The following NAALADL2 variants were observed in gnomAD, a reference collection of about 807,000 sequenced individuals.
NAALADL2 encodes N-acetylated alpha-linked acidic dipeptidase like 2.
A neutral mutation model predicts 87.2 loss-of-function variants in NAALADL2; 76 were observed. The observed-to-expected ratio is 0.87, with a 90% confidence interval of 0.72 to 1.05. The LOEUF is 1.05. NAALADL2 is among the 50% of genes least tolerant of loss of function. The probability of loss-of-function intolerance (pLI) is 0.00; values close to 1 mark genes in which losing one functional copy is unlikely to be tolerated. For synonymous variants in NAALADL2, 354 were observed against 331.0 expected (o/e 1.07, Z -0.75); for missense variants, 1,089 against 945.8 (o/e 1.15, Z -1.99).
chr3:175,806,190 G>C lies in NAALADL2; in HGVS notation c.*2987G>C, dbSNP rs1754686368. ...TTCAAGGCTAGTTCATTCTCTGACT[G>C]TACCTGACAAACAAAACTCTCCCCG... On this transcript the variant is annotated 3_prime_UTR_variant, in exon 14 of 14. Coordinates refer to ENST00000454872, the MANE Select transcript of NAALADL2 (RefSeq NM_207015.3). 1 of 151,814 alleles carries C rather than the reference G, an allele frequency of 6.6e-6. No individual in the cohort carries two copies. Among genetic ancestry groups the C allele is most frequent in the African/African-American group, 2.4e-5 (1 of 41,322 alleles). The allele number at this position is 151,814 out of a possible 1,614,324, so 9.4% of individuals were successfully genotyped here.
chr3:175,267,715 G>A (rs1487926005), intron 4 of NAALADL2, among the ~76,000 whole-genome samples: 2 of 152,034 alleles, frequency 1.3e-5, no homozygotes, highest in Admixed American at 1.3e-4. Flanking sequence ...GTGTACATTT[G>A]CATCACGTGT....
intron 3 of NAALADL2, among the ~76,000 whole-genome samples, chr3:175,253,416 A>G (rs1749399035): frequency 6.6e-6 from 1 of 152,184 alleles, no homozygotes; most frequent in Admixed American, 6.5e-5. Context: ...ACTGCTCTGA[A>G]AAAAAGATTC....
At chr3:175,667,181 G>GAA (rs1553945219) in intron 11 of NAALADL2, among the ~76,000 whole-genome samples, 58 of 95,214 alleles carry the variant, frequency 6.1e-4, no homozygotes, top group African/African-American at 1.5e-3. Flanking sequence ...AAGAAAGAAA[G>GAA]AGAAAGAAAG....
At chr3:174,914,131 C>T (rs544193995) in intron 1 of NAALADL2, among the ~76,000 whole-genome samples, 6 of 149,218 alleles carry the variant, frequency 4.0e-5, no homozygotes, top group Non-Finnish European at 8.9e-5. Context: ...GGTGTGATCT[C>T]GGCTCACTGC....
chr3:174,887,448 A>G (rs1220536204), intron 1 of NAALADL2, among the ~76,000 whole-genome samples: 1 of 152,106 alleles, frequency 6.6e-6, no homozygotes, highest in Non-Finnish European at 1.5e-5. Context: ...TATCCTTGTT[A>G]TTCATTTTCT....
At chr3:175,601,725 G>T (rs1723002569) in intron 10 of NAALADL2, among the ~76,000 whole-genome samples, 2 of 152,070 alleles carry the variant, frequency 1.3e-5, no homozygotes, top group Admixed American at 6.6e-5. Context: ...TAAACAGAGG[G>T]TTTCATTCCT....
intron 3 of NAALADL2, among the ~76,000 whole-genome samples, chr3:174,835,744 G>A (rs1266492615): frequency 6.6e-6 from 1 of 152,122 alleles, no homozygotes; most frequent in Admixed American, 6.6e-5. Context: ...CAACAAGCAT[G>A]TGAAAAGATA....
intron 1 of NAALADL2, among the ~76,000 whole-genome samples, chr3:174,443,724 CA>C (rs1577924502): frequency 6.6e-6 from 1 of 152,002 alleles, no homozygotes. Flanking sequence ...TGTACGTCAG[CA>C]TTATGAGATG....
chr3:174,823,083 C>T (rs891971975), intron 3 of NAALADL2, among the ~76,000 whole-genome samples: 1 of 152,104 alleles, frequency 6.6e-6, no homozygotes, highest in African/African-American at 2.4e-5. Flanking sequence ...AAGATTAAAG[C>T]ACTTTCTATA....
intron 1 of NAALADL2, among the ~76,000 whole-genome samples, chr3:175,021,931 G>A (rs554109253): frequency 1.7e-4 from 26 of 152,138 alleles, no homozygotes; most frequent in Non-Finnish European, 3.5e-4. Flanking sequence ...AGGGCCCGGT[G>A]GGAGGTGTTT....
At chr3:175,172,489 T>A (rs896372409) in intron 2 of NAALADL2, among the ~76,000 whole-genome samples, 1 of 152,186 alleles carries the variant, frequency 6.6e-6, no homozygotes, top group African/African-American at 2.4e-5. Flanking sequence ...GCTTAATGTC[T>A]TATACCAGTG....
chr3:175,683,185 A>C (rs745371705), intron 11 of NAALADL2, among the ~76,000 whole-genome samples: 1 of 152,010 alleles, frequency 6.6e-6, no homozygotes, highest in Non-Finnish European at 1.5e-5. Context: ...TAATTTAATA[A>C]TTTATCAGAA....
In NAALADL2 at chr3:175,255,935, G is replaced by A. The variant is rs113703215; in HGVS notation, c.820-476G>A. ...AGCTGGCTATTGCACAATGTTGAAT[G>A]GAGCATCATGAGCAGCTGTTCAGGA... On this transcript the variant is annotated intron_variant, in intron 3 of 13. Transcript: ENST00000454872. Among the ~76,000 whole-genome samples the A allele has an allele frequency of 1.5e-3, 223 of 152,262 alleles. 1 individual carries two copies. Among genetic ancestry groups the A allele is most frequent in the African/African-American group, 5.2e-3 (215 of 41,550 alleles).
intron 3 of NAALADL2, among the ~76,000 whole-genome samples, chr3:174,827,898 T>A (rs557501271): frequency 6.6e-6 from 1 of 152,276 alleles, no homozygotes; most frequent in South Asian, 2.1e-4. Context: ...AGTTATCATT[T>A]CCTGACTGGG....
chr3:175,330,562 C>A (rs1355931746), intron 5 of NAALADL2, among the ~76,000 whole-genome samples: 1 of 152,074 alleles, frequency 6.6e-6, no homozygotes, highest in East Asian at 1.9e-4. Context: ...GAACAACATG[C>A]TCCTAAATGA....
At chr3:174,475,504 G>C (rs1717160993) in intron 1 of NAALADL2, among the ~76,000 whole-genome samples, 1 of 151,696 alleles carries the variant, frequency 6.6e-6, no homozygotes, top group African/African-American at 2.4e-5. Context: ...ACTAAAGTTA[G>C]AATAGTTTAT....
At chr3:175,121,044 G>T (rs1209806660) in intron 2 of NAALADL2, among the ~76,000 whole-genome samples, 1 of 151,604 alleles carries the variant, frequency 6.6e-6, no homozygotes, top group Non-Finnish European at 1.5e-5. Flanking sequence ...CTTTTAAGTG[G>T]TATCCTACAT....
chr3:174,858,852 A>G (rs1212398500), upstream of NAALADL2, among the ~76,000 whole-genome samples: 1 of 151,872 alleles, frequency 6.6e-6, no homozygotes. Context: ...AGTCTCAAAG[A>G]AGTTATATTC....
intron 3 of NAALADL2, among the ~76,000 whole-genome samples, chr3:174,843,229 T>C (rs529322854): frequency 6.6e-6 from 1 of 152,230 alleles, no homozygotes; most frequent in African/African-American, 2.4e-5. Flanking sequence ...TCTTGTACTA[T>C]CTGATCAATC....
Sources: gnomAD v4.1 joint callset for allele counts (sites outside exome capture counted in the v4.1 genomes callset) on GRCh38, gnomAD v4.1.1 for gene constraint, MANE v1.5 for transcripts, NCBI Gene and HGNC (gene_info 2026-07-23, HGNC 2026-07-21) for gene names.